ELF2: variants seen among roughly 807,000 people sequenced by gnomAD.
ELF2 encodes ETS-related transcription factor Elf-2.
A neutral mutation model predicts 54.8 loss-of-function variants in ELF2; 11 were observed. The ratio of observed to expected loss-of-function variants is 0.20; its 90% CI spans 0.13 to 0.33. The LOEUF is 0.33. Among genes scored for constraint, ELF2 ranks in the 10% least tolerant of loss-of-function variants. The pLI, the probability that ELF2 is intolerant of heterozygous loss-of-function variation, is 1.00. For missense variants in ELF2, 513 were observed against 703.0 expected, an observed-to-expected ratio of 0.73 and a Z score of 3.06; for synonymous variants, 203 against 245.1, an observed-to-expected ratio of 0.83 and a Z score of 1.61.
At chr4:139,089,302 T>C (rs1732339171) in intron 4 of ELF2, among the ~76,000 whole-genome samples, 2 of 152,196 alleles carry the variant, frequency 1.3e-5, no homozygotes, top group South Asian at 4.1e-4. Flanking sequence ...CACACATTTT[T>C]AGGGGGATTT....
At chr4:139,171,414 G>A (rs964979174) in intron 1 of ELF2, among the ~76,000 whole-genome samples, 2 of 151,876 alleles carry the variant, frequency 1.3e-5, no homozygotes, top group African/African-American at 4.8e-5. Flanking sequence ...GGAATGCTAA[G>A]CTTGTGGGAA....
upstream of ELF2, among the ~76,000 whole-genome samples, chr4:139,177,463 C>T (rs1166480966): frequency 1.3e-5 from 2 of 151,800 alleles, no homozygotes; most frequent in African/African-American, 4.8e-5. Flanking sequence ...CTCGGGCCCC[C>T]ACCAGCCCGC....
rs546593310 is a variant in ELF2 at position 139,115,052 on chromosome 4, C to T, written c.238+10112G>A. 8.1e-6 allele frequency: 13 copies of T among 1,613,968 alleles called. No individual in the cohort carries two copies. In the African/African-American group the frequency reaches 1.3e-4, roughly 17 times the overall value. ...AGCTCCTTGACCGTGGCAGCCCGGG[C>T]ATCGTCACTCTCCATGTCCAGGAGC... is the stretch of plus-strand genomic sequence containing the variant. On this transcript the variant is annotated intron_variant, in intron 4 of 9. Transcript: ENST00000686138.
At chr4:139,153,130 A>G (rs1323147440) in intron 1 of ELF2, among the ~76,000 whole-genome samples, 1 of 152,106 alleles carries the variant, frequency 6.6e-6, no homozygotes, top group Non-Finnish European at 1.5e-5. Flanking sequence ...ATACTATGAA[A>G]GGATAATAAA....
At chr4:139,117,272 G>T (rs956065846) in intron 4 of ELF2, among the ~76,000 whole-genome samples, 15 of 152,128 alleles carry the variant, frequency 9.9e-5, no homozygotes, top group Middle Eastern at 3.2e-3. Flanking sequence ...CGATTAAAAT[G>T]CATTTTTTAA....
intron 5 of ELF2, among the ~76,000 whole-genome samples, chr4:139,072,910 G>C (rs1729728849): frequency 6.6e-6 from 1 of 152,086 alleles, no homozygotes; most frequent in Non-Finnish European, 1.5e-5. Context: ...ATTAACATTT[G>C]GGCATTAAAT....
chr4:139,085,266 A>C (rs537994397), intron 4 of ELF2, among the ~76,000 whole-genome samples: 1 of 152,372 alleles, frequency 6.6e-6, no homozygotes, highest in Admixed American at 6.5e-5. Context: ...TGGTTTCAGA[A>C]TTTAATAATA....
intron 4 of ELF2, among the ~76,000 whole-genome samples, chr4:139,076,754 GCA>G (rs1183926275): frequency 6.6e-6 from 1 of 151,922 alleles, no homozygotes; most frequent in Non-Finnish European, 1.5e-5. Flanking sequence ...ATAGTTTGAG[GCA>G]CATTTTCAAA....
chr4:139,160,153 C>T (rs192421551), intron 1 of ELF2, among the ~76,000 whole-genome samples: 59 of 152,222 alleles, frequency 3.9e-4, no homozygotes, highest in South Asian at 2.1e-4. Flanking sequence ...CTGGCTAACA[C>T]GGTGAAACCC....
chr4:139,073,541 C>A lies in ELF2; in HGVS notation c.265G>T (p.Ala89Ser), dbSNP rs748307978. Reference sequence around the variant, plus strand: ...TCAATTGTCTTATCTGTACAGTGTGCATTACTGCTGTGAACTGATGCTTCC... The same window carrying A: ...TCAATTGTCTTATCTGTACAGTGTGAATTACTGCTGTGAACTGATGCTTCC... ...TVEASVHSSN[A>S]HCTDKTIEAA... The change falls in exon 5 of 10, where the codon GCA (alanine) becomes TCA (serine). Residue 89 changes from alanine to serine, a missense_variant. By Grantham distance (99) the Ala-to-Ser change is moderately conservative (BLOSUM62 1). Transcript: ENST00000686138. 1 of 1,591,512 alleles carries A rather than the reference C, an allele frequency of 6.3e-7. No individual in the cohort carries two copies. The highest frequency in any genetic ancestry group is 8.6e-7 in the Non-Finnish European group (1 of 1,165,826).
At chr4:139,063,194 G>C (rs1432986194) in intron 7 of ELF2, among the ~76,000 whole-genome samples, 1 of 152,082 alleles carries the variant, frequency 6.6e-6, no homozygotes. Flanking sequence ...GGAAGCAGAG[G>C]TTACAGTGAG....
At chr4:139,132,653 T>TA (rs1264256866) in intron 3 of ELF2, among the ~76,000 whole-genome samples, 3 of 152,064 alleles carry the variant, frequency 2.0e-5, no homozygotes, top group Non-Finnish European at 4.4e-5. Context: ...CTATTGTAGA[T>TA]ATGTCAATTG....
chr4:139,060,860 C>A (rs1304018489), intron 8 of ELF2, among the ~76,000 whole-genome samples, 186 bp from the exon 9 acceptor site: 2 of 152,174 alleles, frequency 1.3e-5, no homozygotes, highest in Non-Finnish European at 2.9e-5. Flanking sequence ...GAGTAGGAAT[C>A]AAGTTGGAAC....
At chr4:139,094,413 T>C (rs1429247602) in intron 4 of ELF2, among the ~76,000 whole-genome samples, 1 of 152,096 alleles carries the variant, frequency 6.6e-6, no homozygotes, top group Non-Finnish European at 1.5e-5. Context: ...TCAATAAATT[T>C]TGGAGTGGTT....
intron 4 of ELF2, among the ~76,000 whole-genome samples, chr4:139,123,294 T>C (rs1400334202): frequency 6.6e-6 from 1 of 152,200 alleles, no homozygotes; most frequent in African/African-American, 2.4e-5. Flanking sequence ...TTTCTTTTTG[T>C]GTTGAAGTAA....
intron 1 of ELF2, among the ~76,000 whole-genome samples, chr4:139,170,740 A>ATATTAT (rs1553978322): frequency 1.1e-5 from 1 of 90,152 alleles, no homozygotes; most frequent in Non-Finnish European, 2.4e-5. Flanking sequence ...ATATTATATT[A>ATATTAT]ATTATATTAT....
At chr4:139,124,456 AAAC>A (rs1169148974) in intron 4 of ELF2, among the ~76,000 whole-genome samples, 67 of 152,342 alleles carry the variant, frequency 4.4e-4, no homozygotes, top group African/African-American at 1.5e-3. Context: ...TACTAGGATT[AAAC>A]AACAAGTATA....
intron 1 of ELF2, among the ~76,000 whole-genome samples, chr4:139,173,112 G>A (rs1381630355): frequency 6.6e-6 from 1 of 152,116 alleles, no homozygotes; most frequent in Non-Finnish European, 1.5e-5. Flanking sequence ...GATTGCCTGA[G>A]GCTGGGGGTG....
At chr4:139,174,206 T>TAAAAAAA (rs1222397912) in intron 1 of ELF2, among the ~76,000 whole-genome samples, 3 of 94,002 alleles carry the variant, frequency 3.2e-5, no homozygotes, top group African/African-American at 4.4e-5. Context: ...GACTCCATCT[T>TAAAAAAA]AAAAAAAAAA....
Sources: gnomAD v4.1 joint callset for allele counts (sites outside exome capture counted in the v4.1 genomes callset) on GRCh38, gnomAD v4.1.1 for gene constraint, MANE v1.5 for transcripts, NCBI Gene and HGNC (gene_info 2026-07-23, HGNC 2026-07-21) for gene names.